METTL6: variants seen among roughly 807,000 people sequenced by gnomAD.
METTL6 encodes the protein methyltransferase 6, tRNA N3-cytidine.
In METTL6, 22 loss-of-function variants were observed where a neutral mutation model predicts 26.4. That is an observed-to-expected ratio of 0.83 (90% CI 0.59 to 1.19). METTL6 has a LOEUF of 1.19. Among genes scored for constraint, METTL6 ranks in the 50% most tolerant of loss-of-function variants. The pLI is 0.00. For synonymous variants in METTL6, 109 were observed against 116.2 expected, an observed-to-expected ratio of 0.94 and a Z score of 0.40; for missense variants, 304 against 324.8, an observed-to-expected ratio of 0.94 and a Z score of 0.49.
At chr3:15,420,585 T>A (rs1423024600) in intron 3 of METTL6, among the ~76,000 whole-genome samples, 1 of 152,190 alleles carries the variant, frequency 6.6e-6, no homozygotes. Flanking sequence ...GTGTTTACAG[T>A]GAGGCAAGAT....
At chr3:15,406,138 T>C (rs756076439), downstream of METTL6, among the ~76,000 whole-genome samples, 10 of 152,052 alleles carry the variant, frequency 6.6e-5, no homozygotes, top group Non-Finnish European at 1.5e-4. Flanking sequence ...TACTATTTTT[T>C]ATAGTACTGT....
intron 6 of METTL6, among the ~76,000 whole-genome samples, chr3:15,397,328 C>T (rs6783979): frequency 0.072 from 10,950 of 152,264 alleles, 512 homozygotes; most frequent in African/African-American, 0.13. Flanking sequence ...CTAAGACTGT[C>T]GGAAAAGCGC....
chr3:15,392,470 T>C (rs1294640519), intron 6 of METTL6, among the ~76,000 whole-genome samples: 1 of 152,210 alleles, frequency 6.6e-6, no homozygotes, highest in Non-Finnish European at 1.5e-5. Context: ...GATGGTGGTT[T>C]CTTTTGCTGT....
chr3:15,418,364 G>A (rs1484081769), intron 3 of METTL6, among the ~76,000 whole-genome samples: 1 of 152,102 alleles, frequency 6.6e-6, no homozygotes, highest in Non-Finnish European at 1.5e-5. Flanking sequence ...AAGACTCTAA[G>A]AGAAATGCTA....
At chr3:15,414,794 G>A (rs766103109) in intron 4 of METTL6, 52 of 453,938 alleles carry the variant, frequency 1.1e-4, no homozygotes, top group Middle Eastern at 6.8e-4. Context: ...CTGGTAGTGC[G>A]TCCTGTAGTC....
intron 6 of METTL6, among the ~76,000 whole-genome samples, chr3:15,390,252 AC>A (rs1699308175): frequency 6.6e-6 from 1 of 151,432 alleles, no homozygotes; most frequent in African/African-American, 2.4e-5. Context: ...ACATGGTGAA[AC>A]CCCATCTCTA....
At chr3:15,390,871 T>C (rs1242425787) in intron 6 of METTL6, among the ~76,000 whole-genome samples, 1 of 148,150 alleles carries the variant, frequency 6.7e-6, no homozygotes, top group African/African-American at 2.6e-5. Flanking sequence ...GCGATGAAAG[T>C]GGCTCTCAGC....
chr3:15,409,124 C>A (rs1426515040), downstream of METTL6, among the ~76,000 whole-genome samples: 1 of 152,158 alleles, frequency 6.6e-6, no homozygotes, highest in Non-Finnish European at 1.5e-5. Flanking sequence ...ATCACAACAC[C>A]CAGCACGCAC....
chr3:15,392,879 A>G (rs1699387807), intron 6 of METTL6, among the ~76,000 whole-genome samples: 1 of 152,166 alleles, frequency 6.6e-6, no homozygotes, highest in Admixed American at 6.5e-5. Context: ...TACCAGTACC[A>G]TGCTGTTTTG....
rs1241357990 is a variant in METTL6, at chr3:15,414,152, G to C, written c.542C>G (p.Pro181Arg). The part of the protein sequence containing the change: ...VLQNIYKVLK[P>R]GKSVLFRDYG... ...GTCACGAAACAAGACACTTTTGCCTGGTTTTAATACCTATGAAACAAAAGC... is the reference window on the plus strand; with the variant it reads ...GTCACGAAACAAGACACTTTTGCCTCGTTTTAATACCTATGAAACAAAAGC... Residue 181 changes from proline (P) to arginine (R), a missense_variant, in exon 5 of 6, where the codon CCA becomes CGA. Transcript: ENST00000383790. 6.2e-7 allele frequency: 1 copy of C among 1,612,002 alleles called. No homozygotes were observed. Among genetic ancestry groups the C allele is most frequent in the African/African-American group, 1.3e-5 (1 of 74,840 alleles).
chr3:15,407,137 T>C (rs1699825225), downstream of METTL6, among the ~76,000 whole-genome samples: 1 of 152,116 alleles, frequency 6.6e-6, no homozygotes, highest in Non-Finnish European at 1.5e-5. Context: ...GGCCTCTCAA[T>C]TAGCTGGGAC....
chr3:15,385,775 A>T (rs1196455505), intron 6 of METTL6, among the ~76,000 whole-genome samples: 1 of 152,210 alleles, frequency 6.6e-6, no homozygotes, highest in Non-Finnish European at 1.5e-5. Context: ...CTTAACTTGA[A>T]TCTGTGTCTC....
intron 6 of METTL6, among the ~76,000 whole-genome samples, chr3:15,391,050 G>A (rs1481190066): frequency 8.5e-5 from 13 of 152,176 alleles, no homozygotes; most frequent in Admixed American, 8.5e-4. Flanking sequence ...CTGAGGGCAG[G>A]CCCCTCTCCA....
At chr3:15,391,386 T>C (rs1338251183) in intron 6 of METTL6, among the ~76,000 whole-genome samples, 1 of 152,158 alleles carries the variant, frequency 6.6e-6, no homozygotes, top group Non-Finnish European at 1.5e-5. Flanking sequence ...CCAATCTCCA[T>C]CTTGCTTTTA....
intron 3 of METTL6, 50 bp downstream of exon 3, chr3:15,424,905 G>C: frequency 7.5e-6 from 12 of 1,609,478 alleles, no homozygotes; most frequent in Non-Finnish European, 1.0e-5. Flanking sequence ...GATCAAACAA[G>C]ATCGGCAAGA....
chr3:15,408,560 C>T (rs1259832655), downstream of METTL6, among the ~76,000 whole-genome samples: 3 of 31,544 alleles, frequency 9.5e-5, no homozygotes, highest in African/African-American at 5.5e-4. Context: ...CTGCTCCTTG[C>T]TCTTTTTTTT....
At chr3:15,412,027 A>G (rs1170328017) in intron 5 of METTL6, among the ~76,000 whole-genome samples, 2 of 152,186 alleles carry the variant, frequency 1.3e-5, no homozygotes, top group Non-Finnish European at 2.9e-5. Flanking sequence ...GGCCTCCCAA[A>G]GTGCTGAGAT....
intron 6 of METTL6, among the ~76,000 whole-genome samples, chr3:15,396,093 C>A (rs1463782720): frequency 6.6e-6 from 1 of 152,208 alleles, no homozygotes; most frequent in Non-Finnish European, 1.5e-5. Flanking sequence ...AGAGTGTTTT[C>A]CAACTTGGTT....
chr3:15,414,778 C>A, intron 4 of METTL6: 1 of 447,552 alleles, frequency 2.2e-6, no homozygotes, highest in South Asian at 1.6e-5. Flanking sequence ...TAAAAATTAG[C>A]TGGATCTGGT....
Sources: allele counts gnomAD v4.1 joint callset (sites outside exome capture counted in the v4.1 genomes callset), GRCh38; gene constraint gnomAD v4.1.1; transcripts MANE v1.5; gene names NCBI Gene and HGNC (gene_info 2026-07-23, HGNC 2026-07-21).